Variants in LMOD1 observed in about 807,000 individuals in gnomAD.
LMOD1 encodes the protein leiomodin-1.
In LMOD1, 8 loss-of-function variants were observed where a neutral mutation model predicts 36.5. The ratio of observed to expected loss-of-function variants is 0.22; its 90% CI spans 0.13 to 0.40. LMOD1 has a LOEUF of 0.40. Among genes scored for constraint, LMOD1 ranks in the 10% least tolerant of loss-of-function variants. The pLI is 1.00. For missense variants in LMOD1, 630 were observed against 751.1 expected (o/e 0.84, Z 1.88); for synonymous variants, 284 against 288.7 (o/e 0.98, Z 0.17).
intron 1 of LMOD1, among the ~76,000 whole-genome samples, chr1:201,901,100 G>A (rs1681291892): frequency 6.6e-6 from 1 of 152,194 alleles, no homozygotes. Flanking sequence ...GCAATGCCCT[G>A]CCAAGCACAT....
At position 201,902,736 on chromosome 1, in the gene LMOD1, C is replaced by T. The variant is rs191618156; in HGVS notation, c.262-1985G>A. ...CTGGGATTACAGGCGTGAGCCGCCG[C>T]GCCAGGCTGGGGGCTTGAGTTTTAT... is the stretch of plus-strand genomic sequence containing the variant. On this transcript the variant is annotated intron_variant, in intron 1 of 2. Transcript: ENST00000367288. Among the ~76,000 whole-genome samples, 101 of 151,756 alleles carry T rather than the reference C, an allele frequency of 6.7e-4. 1 individual carries two copies. Among genetic ancestry groups the T allele is most frequent in the Admixed American group, 6.6e-4 (10 of 15,242 alleles).
intron 2 of LMOD1, among the ~76,000 whole-genome samples, chr1:201,898,845 G>C (rs1246151365): frequency 6.6e-6 from 1 of 152,244 alleles, no homozygotes; most frequent in Non-Finnish European, 1.5e-5. Flanking sequence ...CTGGTCCTGA[G>C]AGGAGGCTAA....
Position 201,901,656 on chromosome 1 carries a change from A to G in LMOD1, c.262-905T>C, listed in dbSNP as rs546275358. Reference sequence around the variant, plus strand: ...TATATATATATATATATACATATATATGTGTATATATATATATACACATAT... The same window carrying G: ...TATATATATATATATATACATATATGTGTGTATATATATATATACACATAT... On this transcript the variant is annotated intron_variant, in intron 1 of 2. Transcript: ENST00000367288. Among the ~76,000 whole-genome samples, 222 of 79,266 alleles carry G rather than the reference A, an allele frequency of 2.8e-3. 13 individuals are homozygous for G. Among genetic ancestry groups the G allele is most frequent in the African/African-American group, 0.01 (212 of 21,096 alleles). 52.0% of individuals were successfully genotyped at this position (79,266 alleles called of 152,430 possible).
intron 1 of LMOD1, among the ~76,000 whole-genome samples, chr1:201,942,418 G>C (rs1255007574): frequency 6.6e-6 from 1 of 152,210 alleles, no homozygotes; most frequent in Non-Finnish European, 1.5e-5. Context: ...GAGACAGGCA[G>C]AACAAATAGG....
intron 1 of LMOD1, among the ~76,000 whole-genome samples, chr1:201,930,722 C>T (rs1571589167): frequency 6.6e-6 from 1 of 151,896 alleles, no homozygotes; most frequent in Non-Finnish European, 1.5e-5. Context: ...ATGAAGGTAG[C>T]CATGAAGACT....
At chr1:201,902,269 T>A (rs896755838) in intron 1 of LMOD1, among the ~76,000 whole-genome samples, 1 of 151,982 alleles carries the variant, frequency 6.6e-6, no homozygotes, top group Non-Finnish European at 1.5e-5. Context: ...AGGACAAGCA[T>A]CTCTCTGTGG....
In LMOD1 at chr1:201,897,463, G is replaced by A. The variant is rs182485450; in HGVS notation, c.*909C>T. ...ACCTGGACAACCAGGTCAGTGGAGA[G>A]TCTTCTGCTTAGAGTTCAGATTTTC... On this transcript the variant is annotated 3_prime_UTR_variant, in exon 3 of 3. Transcript: ENST00000367288. The A allele has an allele frequency of 2.7e-3, 406 of 153,192 alleles. 1 individual carries two copies. The highest frequency in any genetic ancestry group is 4.5e-3 in the Admixed American group (69 of 15,336). 9.5% of individuals were successfully genotyped at this position (153,192 alleles called of 1,614,324 possible). A position where few individuals can be genotyped will look rare whatever the true frequency, so the allele number is the denominator to read the frequency against.
At chr1:201,929,088 ATTTG>A (rs68148074) in intron 1 of LMOD1, among the ~76,000 whole-genome samples, 9,559 of 146,138 alleles carry the variant, frequency 0.065, 836 homozygotes, top group African/African-American at 0.2. Flanking sequence ...GACTTTATTT[ATTTG>A]TTTATTTATT....
At chr1:201,924,941 G>A (rs1310926363) in intron 1 of LMOD1, among the ~76,000 whole-genome samples, 10 of 152,082 alleles carry the variant, frequency 6.6e-5, no homozygotes, top group South Asian at 2.1e-4. Flanking sequence ...CCGGCTGAGC[G>A]TGGTGGCTCA....
At chr1:201,932,329 T>C (rs1681937497) in intron 1 of LMOD1, among the ~76,000 whole-genome samples, 1 of 152,128 alleles carries the variant, frequency 6.6e-6, no homozygotes. Flanking sequence ...AGATGAATCC[T>C]GAGGTAGAGG....
intron 1 of LMOD1, among the ~76,000 whole-genome samples, chr1:201,942,949 G>T (rs185416272): frequency 5.3e-5 from 8 of 152,234 alleles, no homozygotes; most frequent in Admixed American, 3.9e-4. Context: ...ACACCTAAAA[G>T]AAATTAATAG....
chr1:201,944,418 G>T lies in LMOD1; in HGVS notation c.261+1662C>A, dbSNP rs1215650907. On this transcript the variant is annotated intron_variant, in intron 1 of 2. Transcript: ENST00000367288. ...AGCACTGGAAGCTACCGGACACAAG[G>T]CAGTCATGGGCCCAGAGCCTGCGAC... Among the ~76,000 whole-genome samples the T allele has an allele frequency of 4.6e-5, 7 of 152,306 alleles. No homozygotes were observed. In the East Asian group the frequency reaches 1.4e-3, roughly 29 times the overall value.
intron 1 of LMOD1, among the ~76,000 whole-genome samples, chr1:201,906,128 G>A (rs554754581): frequency 6.6e-6 from 1 of 152,210 alleles, no homozygotes; most frequent in African/African-American, 2.4e-5. Context: ...CTAGGCCTTG[G>A]CTAAAGTCCC....
At chr1:201,920,546 A>G (rs1681687459) in intron 1 of LMOD1, among the ~76,000 whole-genome samples, 1 of 152,166 alleles carries the variant, frequency 6.6e-6, no homozygotes. Context: ...CATAGTTGAG[A>G]AATAGCTGAG....
At chr1:201,916,504 G>T (rs554335716) in intron 1 of LMOD1, among the ~76,000 whole-genome samples, 1 of 139,110 alleles carries the variant, frequency 7.2e-6, no homozygotes, top group Non-Finnish European at 1.6e-5. Flanking sequence ...AACAGAGAGA[G>T]ACCCTGTCTC....
At chr1:201,918,090 C>T (rs1430333205) in intron 1 of LMOD1, among the ~76,000 whole-genome samples, 1 of 152,234 alleles carries the variant, frequency 6.6e-6, no homozygotes, top group African/African-American at 2.4e-5. Flanking sequence ...TGTAGCCAGT[C>T]CTAGGCCTAA....
At chr1:201,946,058 C>A (rs780050047) in intron 1 of LMOD1, 22 bp downstream of exon 1, 48 of 1,607,368 alleles carry the variant, frequency 3.0e-5, no homozygotes, top group Non-Finnish European at 3.9e-5. Flanking sequence ...CCCTCCTCCC[C>A]TCCAGGGCTG....
In LMOD1 at chr1:201,899,779, G is replaced by A; in HGVS notation, c.1234C>T (p.Leu412Phe). ...KGILAIFRAL[L>F]QNNTLTELRF... ...AGCTCGGTCAGCGTGTTGTTCTGGA[G>A]GAGGGCCCGGAAGATGGCCAGGATG... The change falls in exon 2 of 3, where the codon CTC becomes TTC. Residue 412 changes from leucine to phenylalanine, a missense_variant. By Grantham distance (22) the Leu-to-Phe change is conservative (BLOSUM62 0). Transcript: ENST00000367288. The surrounding 1 kb of genome is among the most constrained non-coding windows in gnomAD (Gnocchi z 6.3). 6.2e-7 allele frequency: 1 copy of A among 1,614,048 alleles called. No individual in the cohort carries two copies. The highest frequency in any genetic ancestry group is 1.1e-5 in the South Asian group (1 of 91,084).
rs777118209 is a variant in LMOD1 at position 201,898,327 on chromosome 1, C to T, written c.*45G>A. The T allele has an allele frequency of 4.4e-6, 7 of 1,603,168 alleles. No individual in the cohort carries two copies. In the Admixed American group the frequency reaches 1.2e-4, roughly 27 times the overall value. ...GTCTGTGTAGCCCTGGGAGGTGAGG[C>T]CTGAGCAGTCATGGCATTGGCAGAT... On this transcript the variant is annotated 3_prime_UTR_variant, in exon 3 of 3. Transcript: ENST00000367288.
Sources: gnomAD v4.1 joint callset for allele counts (sites outside exome capture counted in the v4.1 genomes callset) on GRCh38, gnomAD v4.1.1 for gene constraint, Gnocchi (gnomAD v3.1) non-coding constraint, MANE v1.5 for transcripts, NCBI Gene and HGNC (gene_info 2026-07-23, HGNC 2026-07-21) for gene names.